GSE1: variants seen among roughly 807,000 people sequenced by gnomAD.
GSE1 encodes the protein Gse1 coiled-coil protein, also known as genetic suppressor element 1.
In GSE1, 32 loss-of-function variants were observed where a neutral mutation model predicts 112.6. The observed-to-expected ratio is 0.28, with a 90% CI of 0.21 to 0.38. The LOEUF (loss-of-function observed/expected upper bound fraction) is 0.38. Ranked by LOEUF, GSE1 falls within the 10% of genes least tolerant of loss-of-function variation. GSE1 has a pLI of 1.00. For missense variants in GSE1, 2,348 were observed against 1,699.2 expected (o/e 1.38, Z -6.71); for synonymous variants, 1,115 against 735.6 (o/e 1.52, Z -8.35).
At chr16:85,635,544 C>A (rs1371720225) in intron 2 of GSE1, among the ~76,000 whole-genome samples, 1 of 152,162 alleles carries the variant, frequency 6.6e-6, no homozygotes, top group African/African-American at 2.4e-5. Context: ...GGGACAGACC[C>A]TGGGAGGAAG....
At chr16:85,181,843 G>A (rs1288417799) in intron 1 of GSE1, among the ~76,000 whole-genome samples, 1 of 152,204 alleles carries the variant, frequency 6.6e-6, no homozygotes, top group Non-Finnish European at 1.5e-5. Context: ...GGTAGGTTGA[G>A]GCCTGGATGT....
chr16:85,381,022 G>A (rs2047534961), intron 2 of GSE1, among the ~76,000 whole-genome samples: 1 of 152,228 alleles, frequency 6.6e-6, no homozygotes, highest in Non-Finnish European at 1.5e-5. Context: ...TCACAGTGCT[G>A]TGCAAACACC....
chr16:85,256,477 A>AGCTGAGGTGTGATGTG (rs1907090856), intron 1 of GSE1, among the ~76,000 whole-genome samples: 1 of 152,348 alleles, frequency 6.6e-6, no homozygotes, highest in Non-Finnish European at 1.5e-5. Flanking sequence ...CAGATGGGGT[A>AGCTGAGGTGTGATGTG]GCTGAGGTGT....
rs2053441080 is a variant in GSE1 at position 85,672,581 on chromosome 16, T to C, written c.*42T>C. 3.7e-6 allele frequency: 5 copies of C among 1,351,400 alleles called. No individual in the cohort carries two copies. Among genetic ancestry groups the C allele is most frequent in the Non-Finnish European group, 5.1e-6 (5 of 987,344 alleles). 83.7% of individuals were successfully genotyped at this position (1,351,400 alleles called of 1,614,324 possible). ...AGGCCGAACCTATAGTATAGAAATA[T>C]TATCTATTTTATTACCTTGAATATT... is the stretch of plus-strand genomic sequence containing the variant. On this transcript the variant is annotated 3_prime_UTR_variant, in exon 16 of 16. Coordinates refer to ENST00000253458, the MANE Select transcript of GSE1 (RefSeq NM_014615.5).
At chr16:85,251,996 G>A (rs556954934) in intron 1 of GSE1, among the ~76,000 whole-genome samples, 1 of 152,330 alleles carries the variant, frequency 6.6e-6, no homozygotes, top group African/African-American at 2.4e-5. Context: ...ATGAGGAAAC[G>A]GAGGCATAGA....
intron 2 of GSE1, among the ~76,000 whole-genome samples, chr16:85,424,892 A>G (rs1291859444): frequency 2.6e-5 from 4 of 152,254 alleles, no homozygotes; most frequent in African/African-American, 9.6e-5. Flanking sequence ...ACGAAGTCAT[A>G]CATATGGAAC....
In GSE1 at chr16:85,654,385, C is replaced by T. The variant is rs2051719268; in HGVS notation, c.534C>T (p.Ser178=). The change falls in exon 4 of 16, where the codon AGC becomes AGT. Residue 178 remains serine, a synonymous_variant. Transcript: ENST00000253458. ...CAGCCATCCCCTCGCACCTGCTCAG[C>T]ACCCCCTACCCCTTCGGCCTCTCCC... The part of the protein sequence containing the change: ...GGPAIPSHLL[S]TPYPFGLSPS... 1 of 1,610,744 alleles carries T rather than the reference C, an allele frequency of 6.2e-7. No individual in the cohort carries two copies. The highest frequency in any genetic ancestry group is 1.3e-5 in the African/African-American group (1 of 74,894).
At chr16:85,588,614 C>T (rs953482573) in intron 1 of GSE1, among the ~76,000 whole-genome samples, 1 of 152,248 alleles carries the variant, frequency 6.6e-6, no homozygotes, top group Non-Finnish European at 1.5e-5. Flanking sequence ...TTGATAGGCC[C>T]TGTCTGTGAC....
intron 1 of GSE1, among the ~76,000 whole-genome samples, chr16:85,325,433 G>C (rs1026873800): frequency 6.6e-6 from 1 of 151,520 alleles, no homozygotes; most frequent in Non-Finnish European, 1.5e-5. Flanking sequence ...ATCTGATAAA[G>C]GGTATTTTTC....
At chr16:85,218,182 A>C (rs549959360) in intron 1 of GSE1, among the ~76,000 whole-genome samples, 18 of 152,136 alleles carry the variant, frequency 1.2e-4, no homozygotes, top group African/African-American at 4.3e-4. Context: ...GATTACAGAC[A>C]TGAATCACCA....
chr16:85,261,131 C>T (rs2144105355), intron 1 of GSE1, among the ~76,000 whole-genome samples: 1 of 152,340 alleles, frequency 6.6e-6, no homozygotes, highest in East Asian at 1.9e-4. Context: ...AGGGCCAAGG[C>T]TGCCCAGGGT....
chr16:85,502,275 C>G (rs781422384), intron 2 of GSE1, among the ~76,000 whole-genome samples: 1 of 152,174 alleles, frequency 6.6e-6, no homozygotes, highest in Admixed American at 6.5e-5. Flanking sequence ...CAGTGGAGTT[C>G]GATCCTGGCA....
intron 5 of GSE1, 68 bp downstream of exon 5, chr16:85,655,059 G>C: frequency 9.6e-7 from 1 of 1,036,894 alleles, no homozygotes; most frequent in Non-Finnish European, 1.5e-6. Flanking sequence ...GAACCTGGCG[G>C]GGAAGGTGTT....
chr16:85,235,510 A>G (rs1904525703), intron 1 of GSE1, among the ~76,000 whole-genome samples: 1 of 139,070 alleles, frequency 7.2e-6, no homozygotes, highest in Non-Finnish European at 1.5e-5. Context: ...CTCCCACTGC[A>G]GAGAGGTCTT....
At position 85,419,599 on chromosome 16, in the gene GSE1, GTGTC is replaced by G. The variant is rs2048781360; in HGVS notation, c.2464+61958_2464+61961del. Reference sequence around the variant, plus strand: ...CCAGCCTGGGCAATAGAGCAAGGCTGTGTCTCAAAAAAAAAAAACAAAAAACAAA... The same window carrying G: ...CCAGCCTGGGCAATAGAGCAAGGCTGTCAAAAAAAAAAAACAAAAAACAAA... On this transcript the variant is annotated intron_variant, in intron 2 of 2. Coordinates refer to the GSE1 transcript ENST00000637419. This position sits in a 1 kb window ranked among gnomAD's most constrained non-coding sequence, Gnocchi z 6.5. Among the ~76,000 whole-genome samples the G allele has an allele frequency of 9.7e-6, 1 of 103,088 alleles. No individual in the cohort carries two copies. Among genetic ancestry groups the G allele is most frequent in the South Asian group, 3.3e-4 (1 of 3,006 alleles). 67.6% of individuals were successfully genotyped at this position (103,088 alleles called of 152,430 possible).
Position 85,657,531 on chromosome 16 carries a change from C to T in GSE1, c.1567C>T (p.Leu523=). 1 of 1,603,176 alleles carries T rather than the reference C, an allele frequency of 6.2e-7. No homozygotes were observed. Among genetic ancestry groups the T allele is most frequent in the Non-Finnish European group, 8.5e-7 (1 of 1,175,120 alleles). The change falls in exon 8 of 16, where the codon CTG becomes TTG. Residue 523 remains leucine (L), a synonymous_variant. Coordinates refer to ENST00000253458, the MANE Select transcript of GSE1 (RefSeq NM_014615.5). ...GGTGTCCGAGTTCCGGCAGCAGGTG[C>T]TGGAGCAGCACCTGGATATGGGCCG... ...SQVSEFRQQV[L]EQHLDMGRPP... is the part of the protein sequence containing the mutation.
At chr16:85,182,364 G>T (rs1312739847) in intron 1 of GSE1, among the ~76,000 whole-genome samples, 1 of 152,202 alleles carries the variant, frequency 6.6e-6, no homozygotes, top group Non-Finnish European at 1.5e-5. Context: ...GGAGGCTCGG[G>T]CCTGGCCTTC....
chr16:85,578,986 C>T (rs2046343641), intron 1 of GSE1, among the ~76,000 whole-genome samples: 1 of 152,186 alleles, frequency 6.6e-6, no homozygotes, highest in African/African-American at 2.4e-5. Flanking sequence ...GGCACAGTAC[C>T]AGGCACACAG....
intron 2 of GSE1, among the ~76,000 whole-genome samples, chr16:85,416,426 G>A (rs900502688): frequency 6.6e-6 from 1 of 152,146 alleles, no homozygotes; most frequent in African/African-American, 2.4e-5. Context: ...GGGGCCATGG[G>A]TTCAGAGCGG....
Sources: gnomAD v4.1 joint callset for allele counts (sites outside exome capture counted in the v4.1 genomes callset) on GRCh38, gnomAD v4.1.1 for gene constraint, Gnocchi (gnomAD v3.1) non-coding constraint, MANE v1.5 for transcripts, NCBI Gene and HGNC (gene_info 2026-07-23, HGNC 2026-07-21) for gene names.